Variants in RASSF5 observed in about 807,000 individuals in gnomAD.
RASSF5 encodes Ras association domain family member 5.
A neutral mutation model predicts 40.5 loss-of-function variants in RASSF5; 25 were observed. That is an observed-to-expected ratio of 0.62 (90% confidence interval 0.45 to 0.86). RASSF5 has a LOEUF of 0.86. RASSF5 is among the 40% of genes least tolerant of loss of function. The pLI is 0.00. For synonymous variants in RASSF5, 246 were observed against 252.4 expected (o/e 0.97, Z 0.24); for missense variants, 521 against 572.8 (o/e 0.91, Z 0.92).
At chr1:206,558,432 AGTTT>A (rs1436518754) in intron 2 of RASSF5, among the ~76,000 whole-genome samples, 4 of 151,284 alleles carry the variant, frequency 2.6e-5, no homozygotes, top group Non-Finnish European at 2.9e-5. Flanking sequence ...GGTAAAGCTG[AGTTT>A]GTTTATTTGT....
intron 2 of RASSF5, among the ~76,000 whole-genome samples, chr1:206,569,146 T>C (rs145008243): frequency 2.4e-3 from 368 of 152,334 alleles, no homozygotes; most frequent in African/African-American, 8.4e-3. Flanking sequence ...ATGAGGCAAA[T>C]TGATGAGCAG....
chr1:206,536,242 A>G (rs1667390267), intron 1 of RASSF5, among the ~76,000 whole-genome samples: 1 of 152,152 alleles, frequency 6.6e-6, no homozygotes, highest in Admixed American at 6.5e-5. Context: ...TGCCCCAGGG[A>G]ATTGACTTCA....
At chr1:206,562,775 T>C (rs538629163) in intron 2 of RASSF5, among the ~76,000 whole-genome samples, 60 of 151,606 alleles carry the variant, frequency 4.0e-4, no homozygotes, top group African/African-American at 1.4e-3. Context: ...TACTGAAAAA[T>C]AGAAAAAATT....
intron 2 of RASSF5, among the ~76,000 whole-genome samples, chr1:206,559,551 T>C (rs1489249564): frequency 2.6e-5 from 4 of 152,188 alleles, no homozygotes; most frequent in African/African-American, 7.2e-5. Context: ...CACCTTTGGT[T>C]TGGTCCCTGC....
At chr1:206,578,558 C>T (rs1464713157) in intron 2 of RASSF5, among the ~76,000 whole-genome samples, 2 of 152,058 alleles carry the variant, frequency 1.3e-5, no homozygotes, top group South Asian at 2.1e-4. Context: ...TGATTCAAAT[C>T]GTGGGCCAGA....
intron 1 of RASSF5, among the ~76,000 whole-genome samples, chr1:206,512,067 G>A (rs928427456): frequency 5.9e-5 from 9 of 152,154 alleles, no homozygotes; most frequent in African/African-American, 1.4e-4. Flanking sequence ...AGTGTGTAGC[G>A]TGTGTTTTCC....
rs1272087829 is a variant in RASSF5, at chr1:206,526,587, G to T, written c.458-11585G>T. On this transcript the variant is annotated intron_variant, in intron 1 of 5. Transcript: ENST00000579436. Reference sequence around the variant, plus strand: ...AAACTTATAGATCATGTTGATTTTGGCAATGGCTGCAGACCTCCAGGCTTG... The same window carrying T: ...AAACTTATAGATCATGTTGATTTTGTCAATGGCTGCAGACCTCCAGGCTTG... 3.3e-5 allele frequency among the ~76,000 whole-genome samples: 5 copies of T among 152,154 alleles called. No individual in the cohort carries two copies. In the South Asian group the frequency reaches 6.2e-4, roughly 19 times the overall value.
chr1:206,557,012 G>A (rs1329271727), intron 2 of RASSF5, among the ~76,000 whole-genome samples: 6 of 152,152 alleles, frequency 3.9e-5, no homozygotes, highest in Admixed American at 3.9e-4. Flanking sequence ...GTCCATCCTG[G>A]TCCCTTCTTT....
At chr1:206,564,492 GA>G (rs1668230921) in intron 2 of RASSF5, among the ~76,000 whole-genome samples, 1 of 152,182 alleles carries the variant, frequency 6.6e-6, no homozygotes, top group African/African-American at 2.4e-5. Context: ...GAGAAAAGAA[GA>G]AAGATTTTAT....
chr1:206,526,462 T>C (rs1441255651), intron 1 of RASSF5, among the ~76,000 whole-genome samples: 1 of 152,184 alleles, frequency 6.6e-6, no homozygotes, highest in Non-Finnish European at 1.5e-5. Flanking sequence ...CCTGGAAACA[T>C]AAGGATGCAG....
chr1:206,507,749 C>G lies in RASSF5; in HGVS notation c.147C>G (p.Pro49=). The change falls in exon 1 of 6, where the codon CCC becomes CCG. Residue 49 remains proline (P), a synonymous_variant. Coordinates refer to ENST00000579436, the MANE Select transcript of RASSF5 (RefSeq NM_182663.4). ...DRSSRLCVPA[P]LSTAPGAREG... The stretch of plus-strand genomic sequence containing the variant: ...CCTCGCGCCTCTGTGTCCCGGCGCC[C>G]CTCTCCACTGCGCCCGGGGCGCGCG... 1 of 1,456,912 alleles carries G rather than the reference C, an allele frequency of 6.9e-7. No homozygotes were observed. The highest frequency in any genetic ancestry group is 9.0e-7 in the Non-Finnish European group (1 of 1,112,144). 90.2% of individuals were successfully genotyped at this position (1,456,912 alleles called of 1,614,324 possible). A position where few individuals can be genotyped will look rare whatever the true frequency, so the allele number is the denominator to read the frequency against.
At chr1:206,514,090 G>T (rs1489497167) in intron 1 of RASSF5, among the ~76,000 whole-genome samples, 1 of 152,240 alleles carries the variant, frequency 6.6e-6, no homozygotes, top group Non-Finnish European at 1.5e-5. Context: ...GCATGCCTGT[G>T]GTTCCTAGAG....
At chr1:206,518,088 G>A (rs1292407516) in intron 1 of RASSF5, among the ~76,000 whole-genome samples, 1 of 152,176 alleles carries the variant, frequency 6.6e-6, no homozygotes, top group African/African-American at 2.4e-5. Flanking sequence ...ACTCACAGGC[G>A]CGACTGAGAA....
chr1:206,536,832 GA>G (rs1390693310), intron 1 of RASSF5, among the ~76,000 whole-genome samples: 7 of 148,698 alleles, frequency 4.7e-5, no homozygotes, highest in Non-Finnish European at 8.9e-5. Context: ...TCACAGTCCA[GA>G]AGGAAAATTT....
In RASSF5 at chr1:206,552,614, G is replaced by T. The variant is rs1667871139; in HGVS notation, c.579+14321G>T. Among the ~76,000 whole-genome samples, 1 of 152,182 alleles carries T rather than the reference G, an allele frequency of 6.6e-6. No homozygotes were observed. Among genetic ancestry groups the T allele is most frequent in the South Asian group, 2.1e-4 (1 of 4,836 alleles). On this transcript the variant is annotated intron_variant, in intron 2 of 5. Coordinates refer to ENST00000579436, the MANE Select transcript of RASSF5 (RefSeq NM_182663.4). This position sits in a 1 kb window ranked among gnomAD's most constrained non-coding sequence, Gnocchi z 4.1. ...AGTTTGGAATAGGTGGCGGGAGTCG[G>T]TGGAGAAAGGACAATTGTAATGGAA...
intron 2 of RASSF5, among the ~76,000 whole-genome samples, chr1:206,568,671 C>T (rs1365066678): frequency 6.6e-6 from 1 of 152,180 alleles, no homozygotes; most frequent in Non-Finnish European, 1.5e-5. Flanking sequence ...CGCAGTCACC[C>T]GGGCCCTGTA....
intron 2 of RASSF5, chr1:206,571,421 T>C (rs1319579126): frequency 4.0e-5 from 6 of 151,870 alleles, no homozygotes; most frequent in African/African-American, 1.5e-4. Context: ...TGGGATGGGG[T>C]ATTGGGATCC....
intron 2 of RASSF5, chr1:206,542,697 C>A (rs1312558499): frequency 6.6e-6 from 1 of 152,182 alleles, no homozygotes; most frequent in East Asian, 1.9e-4. Flanking sequence ...TCAGGCCCTG[C>A]TCATGTTCCA....
At chr1:206,538,044 C>T in intron 1 of RASSF5, 128 bp from the exon 2 acceptor site, 2 of 1,332,728 alleles carry the variant, frequency 1.5e-6, no homozygotes, top group Non-Finnish European at 2.1e-6. Context: ...TGTCTCCCGC[C>T]CCACCACTTC....
Sources: allele counts gnomAD v4.1 joint callset (sites outside exome capture counted in the v4.1 genomes callset), GRCh38; gene constraint gnomAD v4.1.1; non-coding constraint Gnocchi (gnomAD v3.1); transcripts MANE v1.5; gene names NCBI Gene and HGNC (gene_info 2026-07-23, HGNC 2026-07-21).